Variants in DYNC1I1 observed in about 807,000 individuals in gnomAD.
DYNC1I1 encodes the protein cytoplasmic dynein 1 intermediate chain 1.
Under a neutral mutation model 86.6 loss-of-function variants are expected in DYNC1I1, and 43 were observed. The observed-to-expected ratio is 0.50, with a 90% confidence interval of 0.39 to 0.64. The LOEUF is 0.64. DYNC1I1 is among the 30% of genes least tolerant of loss of function. DYNC1I1 has a pLI of 0.00. For synonymous variants in DYNC1I1, 262 were observed against 283.7 expected, an observed-to-expected ratio of 0.92 and a Z score of 0.77; for missense variants, 604 against 788.8, an observed-to-expected ratio of 0.77 and a Z score of 2.81.
At chr7:96,088,526 G>A (rs1388497494) in intron 16 of DYNC1I1, among the ~76,000 whole-genome samples, 1 of 150,612 alleles carries the variant, frequency 6.6e-6, no homozygotes, top group East Asian at 1.9e-4. Context: ...ACAAAATTGT[G>A]TTTAGTTCTA....
At position 95,824,774 on chromosome 7, in the gene DYNC1I1, A is replaced by G. The variant is rs369952256; in HGVS notation, c.315-3283A>G. Among the ~76,000 whole-genome samples, 4 of 152,168 alleles carry G rather than the reference A, an allele frequency of 2.6e-5. No homozygotes were observed. In the East Asian group the frequency reaches 5.8e-4, roughly 22 times the overall value. On this transcript the variant is annotated intron_variant, in intron 4 of 16. Coordinates refer to ENST00000447467, the MANE Select transcript of DYNC1I1 (RefSeq NM_001135556.2). ...GCCATATCCAGGACACAGACCTGCA[A>G]CCCGGGGCCAGGAGTGCTCCTCTCT... is the stretch of plus-strand genomic sequence containing the variant.
intron 14 of DYNC1I1, among the ~76,000 whole-genome samples, chr7:96,065,104 A>G (rs1323537729): frequency 2.6e-5 from 4 of 152,156 alleles, no homozygotes; most frequent in Non-Finnish European, 5.9e-5. Flanking sequence ...CCATTGCCAC[A>G]TTTGCCAACC....
intron 6 of DYNC1I1, among the ~76,000 whole-genome samples, chr7:95,896,295 A>G (rs1790881136): frequency 6.6e-6 from 1 of 152,188 alleles, no homozygotes; most frequent in Non-Finnish European, 1.5e-5. Context: ...TCTTGGAGAA[A>G]TGTGCCAAGC....
intron 6 of DYNC1I1, among the ~76,000 whole-genome samples, chr7:95,972,484 A>G (rs530215124): frequency 6.6e-6 from 1 of 152,272 alleles, no homozygotes; most frequent in South Asian, 2.1e-4. Flanking sequence ...GAACAGCAGG[A>G]AACTCTTTCC....
chr7:95,982,797 A>T (rs1793488991), intron 7 of DYNC1I1, among the ~76,000 whole-genome samples: 1 of 152,170 alleles, frequency 6.6e-6, no homozygotes, highest in Non-Finnish European at 1.5e-5. Flanking sequence ...GCATTAACCA[A>T]AACAAAATGG....
intron 15 of DYNC1I1, among the ~76,000 whole-genome samples, chr7:96,079,777 A>AAGAGAG (rs746132415): frequency 2.7e-4 from 41 of 151,658 alleles, no homozygotes; most frequent in Non-Finnish European, 4.6e-4. Flanking sequence ...AAGAGAGAGA[A>AAGAGAG]AGAGAGAGAG....
intron 6 of DYNC1I1, among the ~76,000 whole-genome samples, chr7:95,887,863 C>T (rs974299140): frequency 2.0e-5 from 3 of 152,062 alleles, no homozygotes; most frequent in Admixed American, 1.3e-4. Flanking sequence ...GGAGAGTTTC[C>T]GTAGCTTTAA....
chr7:95,964,592 G>T (rs1223714852), intron 6 of DYNC1I1, among the ~76,000 whole-genome samples: 1 of 152,176 alleles, frequency 6.6e-6, no homozygotes, highest in Non-Finnish European at 1.5e-5. Context: ...TCTCATTCTA[G>T]TGGGTCTAGA....
chr7:95,963,504 C>A (rs1401268852), intron 6 of DYNC1I1, among the ~76,000 whole-genome samples: 1 of 152,146 alleles, frequency 6.6e-6, no homozygotes, highest in African/African-American at 2.4e-5. Context: ...CAGCATGAAA[C>A]TGAAATGACT....
At chr7:95,925,487 A>G (rs80153588) in intron 6 of DYNC1I1, among the ~76,000 whole-genome samples, 23,356 of 152,184 alleles carry the variant, frequency 0.15, 2,276 homozygotes, top group Admixed American at 0.31. Flanking sequence ...ACTCTAAATT[A>G]TAGCCTGCCA....
intron 8 of DYNC1I1, among the ~76,000 whole-genome samples, chr7:95,986,291 G>T (rs1793592760): frequency 6.6e-6 from 1 of 152,102 alleles, no homozygotes; most frequent in African/African-American, 2.4e-5. Context: ...AGCAACTTAG[G>T]CAGCTTTTTA....
intron 10 of DYNC1I1, among the ~76,000 whole-genome samples, chr7:96,006,849 G>A (rs1456133155): frequency 6.6e-6 from 1 of 152,140 alleles, no homozygotes; most frequent in Non-Finnish European, 1.5e-5. Context: ...ACTCAAACTT[G>A]TAATTAAACA....
intron 6 of DYNC1I1, among the ~76,000 whole-genome samples, chr7:95,886,467 A>G (rs941907352): frequency 1.5e-4 from 23 of 150,802 alleles, no homozygotes; most frequent in African/African-American, 5.4e-4. Flanking sequence ...AACAAGCAAA[A>G]AAACCCATAC....
At chr7:95,904,973 T>G (rs1791136897) in intron 6 of DYNC1I1, among the ~76,000 whole-genome samples, 1 of 152,210 alleles carries the variant, frequency 6.6e-6, no homozygotes, top group South Asian at 2.1e-4. Flanking sequence ...TCAAAATGCC[T>G]TATCACTGAA....
At chr7:95,886,265 G>T (rs183894447) in intron 6 of DYNC1I1, among the ~76,000 whole-genome samples, 4 of 151,946 alleles carry the variant, frequency 2.6e-5, no homozygotes, top group Non-Finnish European at 4.4e-5. Context: ...GTGAAACCCC[G>T]TCTCTATTAA....
At chr7:95,850,498 T>G (rs1008987551) in intron 5 of DYNC1I1, among the ~76,000 whole-genome samples, 2 of 151,768 alleles carry the variant, frequency 1.3e-5, no homozygotes, top group South Asian at 4.2e-4. Context: ...TAGTCCTCTC[T>G]TCTATGTGGA....
intron 14 of DYNC1I1, among the ~76,000 whole-genome samples, chr7:96,050,034 CAAACAA>C (rs1789353653): frequency 7.1e-6 from 1 of 140,358 alleles, no homozygotes; most frequent in Non-Finnish European, 1.5e-5. Flanking sequence ...AAAAAACAAA[CAAACAA>C]AAAAAAAAAC....
intron 6 of DYNC1I1, among the ~76,000 whole-genome samples, chr7:95,902,076 T>C (rs1431336152): frequency 6.6e-6 from 1 of 152,204 alleles, no homozygotes; most frequent in East Asian, 1.9e-4. Flanking sequence ...TTAGCTGCTG[T>C]CTGCAAATAT....
chr7:96,036,924 A>G (rs1346762469), intron 13 of DYNC1I1, among the ~76,000 whole-genome samples: 2 of 152,232 alleles, frequency 1.3e-5, no homozygotes, highest in Non-Finnish European at 2.9e-5. Context: ...CTATGTTCAC[A>G]CTGGTGCTTA....
Sources: allele counts gnomAD v4.1 joint callset (sites outside exome capture counted in the v4.1 genomes callset), GRCh38; gene constraint gnomAD v4.1.1; transcripts MANE v1.5; gene names NCBI Gene and HGNC (gene_info 2026-07-23, HGNC 2026-07-21).